ZAN: variants seen among roughly 807,000 people sequenced by gnomAD.
ZAN encodes the protein zonadhesin (gene/pseudogene).
ZAN carries 260 observed loss-of-function variants against 286.2 expected under a neutral mutation model. The ratio of observed to expected loss-of-function variants is 0.91; its 90% CI spans 0.82 to 1.01. ZAN has a LOEUF of 1.01. Among genes scored for constraint, ZAN ranks in the 50% least tolerant of loss-of-function variants. The pLI is 0.00. For synonymous variants in ZAN, 1,368 were observed against 1,417.5 expected, an observed-to-expected ratio of 0.97 and a Z score of 0.79; for missense variants, 3,410 against 3,639.2, an observed-to-expected ratio of 0.94 and a Z score of 1.62.
chr7:100,794,181 T>A lies in ZAN; in HGVS notation c.8048T>A (p.Ile2683Asn). 6.2e-7 allele frequency: 1 copy of A among 1,613,974 alleles called. No homozygotes were observed. Among genetic ancestry groups the A allele is most frequent in the Non-Finnish European group, 8.5e-7 (1 of 1,179,864 alleles). Residue 2683 changes from isoleucine (I) to asparagine (N), a missense_variant, in exon 44 of 48, where the codon ATC becomes AAC. Coordinates refer to ENST00000613979, the MANE Select transcript of ZAN (RefSeq NM_003386.3). ...CGGTGCACCTGTGCCAGCTCACGGA[T>A]CCTGCTGTGTGAGCCCTTCAGCTGC... ...SQRCTCASSR[I>N]LLCEPFSCRA...
chr7:100,751,478 T>C (rs1410071476), intron 13 of ZAN, among the ~76,000 whole-genome samples: 1 of 152,210 alleles, frequency 6.6e-6, no homozygotes, highest in Non-Finnish European at 1.5e-5. Context: ...TTTTGGGGGC[T>C]GGATCCAGAA....
intron 36 of ZAN, among the ~76,000 whole-genome samples, chr7:100,785,496 AC>A (rs1419707089): frequency 6.6e-6 from 1 of 151,270 alleles, no homozygotes; most frequent in African/African-American, 2.4e-5. Context: ...CTCCCAAAGT[AC>A]TAAGATTACA....
Position 100,775,850 on chromosome 7 carries a change from G to C in ZAN, c.6192+17G>C. 1.2e-6 allele frequency: 2 copies of C among 1,611,894 alleles called. No individual in the cohort carries two copies. The highest frequency in any genetic ancestry group is 1.7e-6 in the Non-Finnish European group (2 of 1,178,834). ...TATGGAAAGGTGAGGAAAACATCTGGCTCTTCTCGCTGGGGAGGCAGCCCC... is the reference window on the plus strand; with the variant it reads ...TATGGAAAGGTGAGGAAAACATCTGCCTCTTCTCGCTGGGGAGGCAGCCCC... On this transcript the variant is annotated intron_variant, in intron 33 of 47. Coordinates refer to ENST00000613979, the MANE Select transcript of ZAN (RefSeq NM_003386.3).
chr7:100,786,254 T>C, intron 37 of ZAN, 113 bp downstream of exon 37: 1 of 1,479,136 alleles, frequency 6.8e-7, no homozygotes, highest in Admixed American at 2.0e-5. Context: ...CAGTCAGGGG[T>C]TGGGGCGGGC....
At chr7:100,745,327 G>T (rs221835) in intron 7 of ZAN, among the ~76,000 whole-genome samples, 1 of 151,576 alleles carries the variant, frequency 6.6e-6, no homozygotes, top group Admixed American at 6.6e-5. Context: ...TCCCACCTTC[G>T]GCAGGAGTGA....
At chr7:100,779,849 C>T in intron 35 of ZAN, 99 bp downstream of exon 35, 1 of 1,275,548 alleles carries the variant, frequency 7.8e-7, no homozygotes, top group South Asian at 1.6e-5. Flanking sequence ...TCGTTCCTGA[C>T]TAACTCAGCC....
rs1807414622 is a variant in ZAN at position 100,737,707 on chromosome 7, A to T, written c.613+358A>T. On this transcript the variant is annotated intron_variant, in intron 6 of 47. Transcript: ENST00000613979. ...GGCGATGGAGTGAGACTCCGTCTCA[A>T]AAAAAAAAAAAGAAGAATGAGAAAG... 1.5e-5 allele frequency among the ~76,000 whole-genome samples: 2 copies of T among 133,270 alleles called. 1 individual carries two copies. The highest frequency in any genetic ancestry group is 1.5e-4 in the Admixed American group (2 of 13,480). 87.4% of individuals were successfully genotyped at this position (133,270 alleles called of 152,430 possible).
rs762757087 is a variant in ZAN, at chr7:100,767,189, T to G, written c.4792T>G (p.Tyr1598Asp). ...CCGCGGGGGGATCCTGGAGGTCTCC[T>G]ACATCAAAGCCGTCCACGTGACAGT... Reference protein sequence around the residue: ...ENRGGILEVSYIKAVHVTVFD... With the variant: ...ENRGGILEVSDIKAVHVTVFD... The change falls in exon 25 of 48, where the codon TAC becomes GAC. Residue 1598 changes from tyrosine (Y) to aspartate (D), a missense_variant. Transcript: ENST00000613979. 1.9e-6 allele frequency: 3 copies of G among 1,613,614 alleles called. No individual in the cohort carries two copies. The Admixed American group carries it at 5.0e-5, about 27-fold the overall frequency.
rs1431858099 is a variant in ZAN, at chr7:100,759,711, CCCTACCCAGACCCA to C, written c.3572-9_3576del. On this transcript the variant is annotated splice_acceptor_variant and splice_polypyrimidine_tract_variant and coding_sequence_variant and intron_variant, in exon 18 of 48. Transcript: ENST00000613979. LOFTEE classifies it high-confidence loss of function. ...GCCACTGGGCTCTCTTCATTCCTCTCCCTACCCAGACCCATTCTTCAGGGTGACAGCCAAGAATG... is the reference window on the plus strand; with the variant it reads ...GCCACTGGGCTCTCTTCATTCCTCTCTTCTTCAGGGTGACAGCCAAGAATG... The C allele has an allele frequency of 1.9e-6, 3 of 1,579,184 alleles. No individual in the cohort carries two copies. In the African/African-American group the frequency reaches 4.1e-5, roughly 21 times the overall value.
In ZAN at chr7:100,775,398, G is replaced by A. The variant is rs569130226; in HGVS notation, c.5850G>A (p.Pro1950=). The part of the protein sequence containing the change: ...VSFDGSNHSI[P]DACTLVLVKV... ...TTGATGGTAGTAACCATTCTATCCC[G>A]GACGCCTGCACTCTTGTCCTGGTGA... The change falls in exon 32 of 48, where the codon CCG becomes CCA. Residue 1950 remains proline (P), a synonymous_variant. Transcript: ENST00000613979. The A allele has an allele frequency of 3.1e-5, 50 of 1,613,740 alleles. No individual in the cohort carries two copies. The highest frequency in any genetic ancestry group is 4.0e-5 in the African/African-American group (3 of 74,888).
At chr7:100,758,148 G>T (rs1376942713) in intron 15 of ZAN, 54 bp from the exon 16 acceptor site, 1 of 1,387,626 alleles carries the variant, frequency 7.2e-7, no homozygotes, top group African/African-American at 1.5e-5. Flanking sequence ...AAGGCAAAGG[G>T]AGAAGTACTC....
chr7:100,796,341 G>T (rs1464137030), intron 45 of ZAN, among the ~76,000 whole-genome samples: 1 of 151,858 alleles, frequency 6.6e-6, no homozygotes, highest in Non-Finnish European at 1.5e-5. Flanking sequence ...TTGAAGACGG[G>T]GTAACTTGTG....
intron 7 of ZAN, among the ~76,000 whole-genome samples, chr7:100,742,925 T>C (rs1247684686): frequency 3.2e-5 from 3 of 94,276 alleles, no homozygotes; most frequent in African/African-American, 1.2e-4. Context: ...TTTTAAGGAT[T>C]TTTTTTGTGT....
At chr7:100,765,681 G>C (rs1809916694) in intron 23 of ZAN, 127 bp downstream of exon 23, 1 of 1,244,074 alleles carries the variant, frequency 8.0e-7, no homozygotes, top group South Asian at 1.5e-5. Context: ...ACGGAGTTTT[G>C]CTCTGTCGCC....
Position 100,752,285 on chromosome 7 carries a change from C to T in ZAN, c.2180C>T (p.Pro727Leu). 6.5e-7 allele frequency: 1 copy of T among 1,539,796 alleles called. No individual in the cohort carries two copies. Among genetic ancestry groups the T allele is most frequent in the South Asian group, 1.2e-5 (1 of 83,744 alleles). ...ATCCCCACAGAAAAACCCACCATCC[C>T]CACAGAAAAATCCACCATCTCCCCA... ...PTIPTEKPTI[P>L]TEKSTISPEK... Residue 727 changes from proline (P) to leucine (L), a missense_variant, in exon 14 of 48, where the codon CCC becomes CTC. Pro to Leu is a moderately conservative substitution (Grantham distance 98). Transcript: ENST00000613979.
intron 45 of ZAN, among the ~76,000 whole-genome samples, chr7:100,796,691 C>T (rs1002471290): frequency 2.0e-5 from 3 of 152,094 alleles, no homozygotes; most frequent in Admixed American, 1.3e-4. Context: ...GCTGGGATTA[C>T]AGGCGTGAGC....
At chr7:100,793,162 A>AC (rs1237721709) in intron 42 of ZAN, among the ~76,000 whole-genome samples, 1 of 151,398 alleles carries the variant, frequency 6.6e-6, no homozygotes, top group African/African-American at 2.4e-5. Flanking sequence ...AACCAGTGAG[A>AC]CCCCATCTCT....
intron 11 of ZAN, among the ~76,000 whole-genome samples, chr7:100,748,809 G>T (rs187538701): frequency 6.6e-6 from 1 of 151,922 alleles, no homozygotes; most frequent in Admixed American, 6.6e-5. Flanking sequence ...CGGGAAGATT[G>T]CTTGAGCCCA....
intron 17 of ZAN, 82 bp from the exon 18 acceptor site, chr7:100,759,632 TCTCCCTG>T: frequency 2.8e-6 from 4 of 1,406,486 alleles, no homozygotes; most frequent in Non-Finnish European, 1.9e-6. Context: ...GGCGCTCATC[TCTCCCTG>T]CGGCGCCAGG....
Sources: allele counts gnomAD v4.1 joint callset (sites outside exome capture counted in the v4.1 genomes callset), GRCh38; gene constraint gnomAD v4.1.1; transcripts MANE v1.5; gene names NCBI Gene and HGNC (gene_info 2026-07-23, HGNC 2026-07-21).